Variants in NCOR1 observed in about 807,000 individuals in gnomAD.
The protein encoded by NCOR1 is protein phosphatase 1, regulatory subunit 109.
NCOR1 carries 63 observed loss-of-function variants against 288.1 expected under a neutral mutation model. The ratio of observed to expected loss-of-function variants is 0.22; its 90% CI spans 0.18 to 0.27. NCOR1 has a LOEUF of 0.27. Among genes scored for constraint, NCOR1 ranks in the 10% least tolerant of loss-of-function variants. The pLI, the probability that NCOR1 is intolerant of heterozygous loss-of-function variation, is 1.00. For missense variants in NCOR1, 2,397 were observed against 3,019.2 expected, an observed-to-expected ratio of 0.79 and a Z score of 4.83; for synonymous variants, 1,007 against 1,065.9, an observed-to-expected ratio of 0.94 and a Z score of 1.08.
intron 2 of NCOR1, 89 bp from the exon 3 acceptor site, chr17:16,186,776 A>C (rs1377761449): frequency 1.7e-6 from 2 of 1,160,836 alleles, no homozygotes; most frequent in Admixed American, 4.2e-5. Context: ...GTTATGGGCC[A>C]CTAAGTATGG....
intron 22 of NCOR1, among the ~76,000 whole-genome samples, chr17:16,089,964 A>G (rs1246390834): frequency 6.6e-6 from 1 of 152,240 alleles, no homozygotes; most frequent in East Asian, 1.9e-4. Context: ...TAAAATTCTT[A>G]ATGTCATACT....
intron 11 of NCOR1, 111 bp from the exon 12 acceptor site, chr17:16,139,297 A>T (rs376651618): frequency 2.6e-6 from 2 of 767,462 alleles, no homozygotes; most frequent in East Asian, 2.7e-5. Context: ...CAGTTTAATA[A>T]CAATAGCAGT....
chr17:16,138,342 T>A, intron 12 of NCOR1, 130 bp from the exon 13 acceptor site: 1 of 700,362 alleles, frequency 1.4e-6, no homozygotes. Context: ...CCCAGCACTT[T>A]GGGAGGCCGA....
intron 3 of NCOR1, among the ~76,000 whole-genome samples, chr17:16,178,095 G>A (rs2084606012): frequency 6.6e-6 from 1 of 152,040 alleles, no homozygotes; most frequent in Non-Finnish European, 1.5e-5. Context: ...TGTAATCCCA[G>A]CTACTCTAGA....
intron 5 of NCOR1, among the ~76,000 whole-genome samples, chr17:16,160,773 C>A (rs1471404316): frequency 6.6e-6 from 1 of 152,098 alleles, no homozygotes; most frequent in Non-Finnish European, 1.5e-5. Context: ...GCCTGGGCGA[C>A]AGGGGGAGAC....
At chr17:16,106,846 T>C (rs1028702225) in intron 19 of NCOR1, among the ~76,000 whole-genome samples, 1 of 131,528 alleles carries the variant, frequency 7.6e-6, no homozygotes, top group Non-Finnish European at 1.6e-5. Context: ...ACCCTACACT[T>C]GATCAGACAT....
At chr17:16,041,127 A>C (rs2057480705) in intron 42 of NCOR1, 1 of 152,272 alleles carries the variant, frequency 6.6e-6, no homozygotes, top group Non-Finnish European at 1.5e-5. Context: ...TGCATGGCTA[A>C]CTGGAAACTC....
chr17:16,109,708 T>TTAC (rs1443374455), intron 18 of NCOR1, among the ~76,000 whole-genome samples: 1 of 151,728 alleles, frequency 6.6e-6, no homozygotes, highest in African/African-American at 2.4e-5. Flanking sequence ...ATCATTGATA[T>TTAC]TACTACTGAA....
chr17:16,109,180 A>T (rs7222886), intron 18 of NCOR1, among the ~76,000 whole-genome samples: 80,663 of 151,816 alleles, frequency 0.53, 21,849 homozygotes, highest in Middle Eastern at 0.62. Context: ...CATGTATAAA[A>T]AGCCAAAAAT....
At position 16,153,356 on chromosome 17, in the gene NCOR1, C is replaced by A. The variant is rs2153390401; in HGVS notation, c.772G>T (p.Gly258Cys). 6.3e-7 allele frequency: 1 copy of A among 1,599,876 alleles called. No homozygotes were observed. The highest frequency in any genetic ancestry group is 8.5e-7 in the Non-Finnish European group (1 of 1,172,798). Residue 258 changes from glycine (G) to cysteine (C), a missense_variant, in exon 7 of 46, where the codon GGC becomes TGC. By Grantham distance (159) the Gly-to-Cys change is radical. Around this residue, in one of 11 missense-constraint regions of NCOR1, gnomAD observed 76 missense variants for 102.2 expected, o/e 0.74. Transcript: ENST00000268712. ...EEAHKIFEGL[G>C]PKVELPLYNQ... Reference sequence around the variant, plus strand: ...TTACTTACCAGTTCAACTTTTGGGCCAAGACCTTCAAAAATTTTATGAGCT... The same window carrying A: ...TTACTTACCAGTTCAACTTTTGGGCAAAGACCTTCAAAAATTTTATGAGCT...
intron 3 of NCOR1, among the ~76,000 whole-genome samples, chr17:16,179,857 T>A (rs1349535814): frequency 1.4e-5 from 2 of 140,342 alleles, no homozygotes; most frequent in African/African-American, 5.4e-5. Context: ...CTACTAAAAG[T>A]ACAAAAATTA....
At chr17:16,085,935 G>A (rs553264111) in intron 23 of NCOR1, among the ~76,000 whole-genome samples, 338 of 152,274 alleles carry the variant, frequency 2.2e-3, no homozygotes, top group Non-Finnish European at 3.0e-3. Context: ...AATATTTTGA[G>A]CCTTTACCAT....
chr17:16,183,748 T>A (rs2086028419), intron 3 of NCOR1, among the ~76,000 whole-genome samples: 1 of 151,996 alleles, frequency 6.6e-6, no homozygotes, highest in South Asian at 2.1e-4. Flanking sequence ...ACCCTAAAAT[T>A]CACATGGAAG....
rs971829225 is a variant in NCOR1 at position 16,108,658 on chromosome 17, A to G, written c.2182+128T>C. ...AATAAAAACATTATGTTCAAGTTTG[A>G]AGTCTCCACACCATGAAAACACTGG... On this transcript the variant is annotated intron_variant, in intron 19 of 45. Transcript: ENST00000268712. The G allele has an allele frequency of 4.8e-5, 31 of 644,494 alleles. No individual in the cohort carries two copies. The East Asian group carries it at 9.1e-4, about 19-fold the overall frequency. 39.9% of individuals were successfully genotyped at this position (644,494 alleles called of 1,614,324 possible).
chr17:16,064,763 C>A, intron 34 of NCOR1, 107 bp downstream of exon 34: 1 of 1,151,010 alleles, frequency 8.7e-7, no homozygotes, highest in Non-Finnish European at 1.2e-6. Context: ...AAAAGAAAAA[C>A]AAGAAACCAA....
Position 16,029,317 on chromosome 17 carries a change from G to A in NCOR1, c.*2979C>T, listed in dbSNP as rs770488525. ...CACTGTTGTAAAATAAGGTACTGAA[G>A]CAAAAGGAGGACTGATCTCCTTTAC... On this transcript the variant is annotated 3_prime_UTR_variant, in exon 46 of 46. Transcript: ENST00000268712. 2 of 442,422 alleles carry A rather than the reference G, an allele frequency of 4.5e-6. No individual in the cohort carries two copies. The highest frequency in any genetic ancestry group is 3.3e-5 in the South Asian group (2 of 61,028). The allele number at this position is 442,422 out of a possible 1,614,324, so 27.4% of individuals were successfully genotyped here. A position where few individuals can be genotyped will look rare whatever the true frequency, so the allele number is the denominator to read the frequency against.
At chr17:16,080,838 T>A in intron 23 of NCOR1, 111 bp from the exon 24 acceptor site, 19 of 924,360 alleles carry the variant, frequency 2.1e-5, no homozygotes, top group Non-Finnish European at 2.7e-5. Flanking sequence ...AAAAAAATTA[T>A]ACCCCTTCTA....
chr17:16,095,537 T>G (rs1259525265), intron 21 of NCOR1, among the ~76,000 whole-genome samples: 2 of 109,240 alleles, frequency 1.8e-5, no homozygotes, highest in African/African-American at 3.6e-5. Context: ...GGGAGGGAGG[T>G]TGGGGGGTCA....
chr17:16,172,405 T>C (rs2083293312), intron 3 of NCOR1, among the ~76,000 whole-genome samples: 1 of 151,752 alleles, frequency 6.6e-6, no homozygotes, highest in African/African-American at 2.4e-5. Flanking sequence ...AATCTAGAAG[T>C]GAAAGACAAA....
Sources: gnomAD v4.1 joint callset for allele counts (sites outside exome capture counted in the v4.1 genomes callset) on GRCh38, gnomAD v4.1.1 for gene constraint, gnomAD v4.1.1 regional missense constraint, MANE v1.5 for transcripts, NCBI Gene and HGNC (gene_info 2026-07-23, HGNC 2026-07-21) for gene names.